Variants in ZFPM2 observed in about 807,000 individuals in gnomAD.
The protein encoded by ZFPM2 is zinc finger protein, FOG family member 2.
A neutral mutation model predicts 98.6 loss-of-function variants in ZFPM2; 20 were observed. That is an observed-to-expected ratio of 0.20 (90% CI 0.14 to 0.29). The LOEUF (loss-of-function observed/expected upper bound fraction) is 0.29. ZFPM2 is among the 10% of genes least tolerant of loss of function. ZFPM2 has a pLI of 1.00. For synonymous variants in ZFPM2, 518 were observed against 502.7 expected (o/e 1.03, Z -0.41); for missense variants, 1,310 against 1,388.6 (o/e 0.94, Z 0.90).
chr8:105,617,160 T>C (rs1449060434), intron 4 of ZFPM2, among the ~76,000 whole-genome samples: 1 of 151,086 alleles, frequency 6.6e-6, no homozygotes, highest in East Asian at 2.0e-4. Flanking sequence ...CCTCATCATG[T>C]TCATCACATT....
intron 5 of ZFPM2, among the ~76,000 whole-genome samples, chr8:105,652,114 A>G (rs1249888050): frequency 2.6e-5 from 4 of 151,698 alleles, no homozygotes; most frequent in Non-Finnish European, 5.9e-5. Context: ...AGCCATGCCA[A>G]GTCATTGGCT....
At chr8:105,694,777 G>C (rs183167623) in intron 5 of ZFPM2, among the ~76,000 whole-genome samples, 117 of 152,078 alleles carry the variant, frequency 7.7e-4, no homozygotes, top group African/African-American at 2.3e-3. Flanking sequence ...CCTCCAAGTA[G>C]GTCATCTAAT....
chr8:105,685,531 C>T (rs1221470397), intron 5 of ZFPM2, among the ~76,000 whole-genome samples: 1 of 151,832 alleles, frequency 6.6e-6, no homozygotes, highest in Non-Finnish European at 1.5e-5. Context: ...TTTTTTTAAA[C>T]ACAAGTGATT....
chr8:105,377,607 C>CAAAAAAAAA lies in ZFPM2; in HGVS notation c.41-41519_41-41511dup, dbSNP rs36124912. On this transcript the variant is annotated intron_variant, in intron 1 of 7. Transcript: ENST00000407775. ...CAAAACCCCGTTTTTCTTAAAAATCCAAAAAAAAAAAAAAAAAAAAAAAAA... is the reference window on the plus strand; with the variant it reads ...CAAAACCCCGTTTTTCTTAAAAATCCAAAAAAAAAAAAAAAAAAAAAAAAAAAAAAAAAA... Among the ~76,000 whole-genome samples, 139 of 63,872 alleles carry CAAAAAAAAA rather than the reference C, an allele frequency of 2.2e-3. 52 individuals are homozygous for CAAAAAAAAA. Among genetic ancestry groups the CAAAAAAAAA allele is most frequent in the African/African-American group, 6.5e-3 (108 of 16,588 alleles). The allele number at this position is 63,872 out of a possible 152,430, so 41.9% of individuals were successfully genotyped here. A position where few individuals can be genotyped will look rare whatever the true frequency, so the allele number is the denominator to read the frequency against.
At chr8:105,685,467 C>T (rs1402859454) in intron 5 of ZFPM2, among the ~76,000 whole-genome samples, 3 of 152,014 alleles carry the variant, frequency 2.0e-5, no homozygotes, top group Non-Finnish European at 2.9e-5. Context: ...TGCTTACCTA[C>T]GTTGCATTTT....
At chr8:105,720,461 C>A (rs1811634197) in intron 5 of ZFPM2, among the ~76,000 whole-genome samples, 1 of 151,818 alleles carries the variant, frequency 6.6e-6, no homozygotes, top group Non-Finnish European at 1.5e-5. Flanking sequence ...GATTAATTTA[C>A]TACTAATTTA....
chr8:105,343,308 C>A (rs1563612727), intron 1 of ZFPM2, among the ~76,000 whole-genome samples: 1 of 152,108 alleles, frequency 6.6e-6, no homozygotes. Context: ...TCCTGCTGTA[C>A]TTTGTACTGG....
chr8:105,698,721 C>T (rs1462852880), intron 5 of ZFPM2, among the ~76,000 whole-genome samples: 1 of 152,096 alleles, frequency 6.6e-6, no homozygotes, highest in African/African-American at 2.4e-5. Flanking sequence ...ATACATTAGA[C>T]AGTTCCCTGA....
chr8:105,366,936 T>C (rs1229734864), intron 1 of ZFPM2, among the ~76,000 whole-genome samples: 1 of 145,088 alleles, frequency 6.9e-6, no homozygotes, highest in East Asian at 2.2e-4. Context: ...TTCAGCTTTC[T>C]ACATATGGCT....
chr8:105,346,244 C>T (rs1351763424), intron 1 of ZFPM2, among the ~76,000 whole-genome samples: 2 of 151,646 alleles, frequency 1.3e-5, no homozygotes, highest in South Asian at 4.2e-4. Context: ...ATTAGCCGGG[C>T]GTGGTGGTGC....
intron 5 of ZFPM2, among the ~76,000 whole-genome samples, chr8:105,756,301 AG>A (rs1812595996): frequency 6.6e-6 from 1 of 152,072 alleles, no homozygotes; most frequent in Non-Finnish European, 1.5e-5. Flanking sequence ...TTGCTTCCAC[AG>A]ACTTCTCAGG....
chr8:105,717,016 T>C (rs1811541674), intron 5 of ZFPM2, among the ~76,000 whole-genome samples: 1 of 152,034 alleles, frequency 6.6e-6, no homozygotes, highest in Admixed American at 6.6e-5. Context: ...TTTTATGCAC[T>C]GCAGAGGAGG....
At chr8:105,429,175 A>C (rs1024484939) in intron 2 of ZFPM2, among the ~76,000 whole-genome samples, 9 of 152,194 alleles carry the variant, frequency 5.9e-5, no homozygotes, top group Non-Finnish European at 7.3e-5. Context: ...TTGTTGCTAT[A>C]TGATTAGCTC....
intron 1 of ZFPM2, among the ~76,000 whole-genome samples, chr8:105,336,951 AGTT>A (rs984548561): frequency 2.0e-5 from 3 of 151,794 alleles, no homozygotes; most frequent in African/African-American, 7.2e-5. Context: ...TTTGTTGTTT[AGTT>A]GTTGTATTTT....
rs1252538000 is a variant in ZFPM2 at position 105,400,534 on chromosome 8, AT to A, written c.41-18604del. ...TGATACAAAAGAAGAACTAAAATTG[AT>A]TTTTTCTAACTTTATTGTTTATTAA... On this transcript the variant is annotated intron_variant, in intron 1 of 7. Coordinates refer to ENST00000407775, the MANE Select transcript of ZFPM2 (RefSeq NM_012082.4). Among the ~76,000 whole-genome samples the A allele has an allele frequency of 2.6e-5, 4 of 151,988 alleles. No homozygotes were observed. In the South Asian group the frequency reaches 8.3e-4, roughly 31 times the overall value.
chr8:105,796,176 T>G (rs1355931230), intron 6 of ZFPM2, among the ~76,000 whole-genome samples: 1 of 150,808 alleles, frequency 6.6e-6, no homozygotes, highest in African/African-American at 2.5e-5. Flanking sequence ...TCCTGTATCT[T>G]TACTTTGATT....
intron 2 of ZFPM2, among the ~76,000 whole-genome samples, chr8:105,434,422 A>C (rs577331608): frequency 2.6e-5 from 4 of 152,202 alleles, no homozygotes; most frequent in Non-Finnish European, 5.9e-5. Flanking sequence ...GCCCTTCCGT[A>C]TGAGCTGCAG....
At chr8:105,728,967 C>T (rs189623739) in intron 5 of ZFPM2, among the ~76,000 whole-genome samples, 1 of 151,622 alleles carries the variant, frequency 6.6e-6, no homozygotes, top group Admixed American at 6.6e-5. Context: ...GATAAGAAGG[C>T]TTTGAGTGTT....
At chr8:105,512,258 T>TG (rs1347606383) in intron 3 of ZFPM2, among the ~76,000 whole-genome samples, 2 of 152,212 alleles carry the variant, frequency 1.3e-5, no homozygotes, top group African/African-American at 4.8e-5. Context: ...ATTGCTTACA[T>TG]GTGAAGAGCA....
Sources: gnomAD v4.1 joint callset for allele counts (sites outside exome capture counted in the v4.1 genomes callset) on GRCh38, gnomAD v4.1.1 for gene constraint, MANE v1.5 for transcripts, NCBI Gene and HGNC (gene_info 2026-07-23, HGNC 2026-07-21) for gene names.